EFHC2: variants seen among roughly 807,000 people sequenced by gnomAD.
EFHC2 encodes the protein EF-hand domain containing 2, also known as EF-hand domain-containing family member C2.
EFHC2 carries 18 observed loss-of-function variants against 52.7 expected under a neutral mutation model. The ratio of observed to expected loss-of-function variants is 0.34; its 90% CI spans 0.24 to 0.51. EFHC2 has a LOEUF of 0.51. Among genes scored for constraint, EFHC2 ranks in the 20% least tolerant of loss-of-function variants. The pLI, the probability that EFHC2 is intolerant of heterozygous loss-of-function variation, is 0.97. For missense variants in EFHC2, 513 were observed against 562.5 expected (o/e 0.91, Z 0.89); for synonymous variants, 203 against 204.1 (o/e 0.99, Z 0.04).
chrX:44,226,136 T>A (rs1179514106), intron 11 of EFHC2, among the ~76,000 whole-genome samples: 1 of 111,530 alleles, frequency 9.0e-6, no homozygotes, highest in African/African-American at 3.3e-5. Flanking sequence ...GAGCTAAAGG[T>A]AGGCAAACTC....
In EFHC2 at chrX:44,173,204, C is replaced by T. The variant is rs5953263; in HGVS notation, c.2042+3088G>A. ...TCTGAATTTACACAGCAGGGTTACACGGCTGCTCAGCAGCTGCCCAGCTCC... is the reference window on the plus strand; with the variant it reads ...TCTGAATTTACACAGCAGGGTTACATGGCTGCTCAGCAGCTGCCCAGCTCC... On this transcript the variant is annotated intron_variant, in intron 13 of 14. Transcript: ENST00000420999. Among the ~76,000 whole-genome samples the T allele has an allele frequency of 9.6e-3, 1,079 of 112,126 alleles. 13 individuals are homozygous for T. The highest frequency in any genetic ancestry group is 0.031 in the African/African-American group (961 of 30,848).
At chrX:44,213,651 T>A (rs2037119770) in intron 11 of EFHC2, among the ~76,000 whole-genome samples, 1 of 112,255 alleles carries the variant, frequency 8.9e-6, no homozygotes, top group Non-Finnish European at 1.9e-5. Context: ...TGGGTTACAA[T>A]GATAGGGTAT....
chrX:44,213,563 T>A (rs1278885180), intron 11 of EFHC2, among the ~76,000 whole-genome samples: 1 of 112,132 alleles, frequency 8.9e-6, no homozygotes, highest in Non-Finnish European at 1.9e-5. Context: ...TAGGTAGATT[T>A]TAAAATTTTC....
chrX:44,251,623 A>AAAAAAAAAAAAAAAAAAAAAAAAAAAT (rs2037449811), intron 4 of EFHC2, among the ~76,000 whole-genome samples: 1 of 74,892 alleles, frequency 1.3e-5, no homozygotes, highest in Non-Finnish European at 2.5e-5. Context: ...AAAAAAAAAA[A>AAAAAAAAAAAAAAAAAAAAAAAAAAAT]AAAAAAAAAA....
chrX:44,336,243 C>T (rs1352113498), intron 1 of EFHC2, among the ~76,000 whole-genome samples: 2 of 109,581 alleles, frequency 1.8e-5, no homozygotes, highest in Non-Finnish European at 3.8e-5. Context: ...AAAAATTAGC[C>T]GGGCGTGGTG....
intron 2 of EFHC2, among the ~76,000 whole-genome samples, chrX:44,276,838 T>C (rs2037661535): frequency 8.9e-6 from 1 of 112,388 alleles, no homozygotes; most frequent in Non-Finnish European, 1.9e-5. Context: ...ACCATGCAAC[T>C]GTAAGGCAAA....
chrX:44,327,771 AAACT>A (rs1365148447), intron 1 of EFHC2, among the ~76,000 whole-genome samples: 4 of 111,549 alleles, frequency 3.6e-5, no homozygotes, highest in East Asian at 2.8e-4. Flanking sequence ...AATCACTCAA[AAACT>A]AACCCCAAAT....
At chrX:44,197,393 G>A (rs2036973592) in intron 11 of EFHC2, among the ~76,000 whole-genome samples, 1 of 111,975 alleles carries the variant, frequency 8.9e-6, no homozygotes. Flanking sequence ...AATAAAATGA[G>A]TTCAAAGAGG....
At chrX:44,172,521 T>C in intron 13 of EFHC2, among the ~76,000 whole-genome samples, 1 of 112,411 alleles carries the variant, frequency 8.9e-6, no homozygotes. Flanking sequence ...CATGTTTTTC[T>C]ACCCCATGTC....
chrX:44,292,826 C>T (rs1402618811), intron 2 of EFHC2, among the ~76,000 whole-genome samples: 2 of 110,338 alleles, frequency 1.8e-5, no homozygotes, highest in African/African-American at 6.6e-5. Context: ...AAGTGCCTCA[C>T]TCCCCCTTTG....
intron 11 of EFHC2, among the ~76,000 whole-genome samples, chrX:44,223,247 G>A (rs1327353364): frequency 8.9e-6 from 1 of 112,547 alleles, no homozygotes; most frequent in Non-Finnish European, 1.9e-5. Flanking sequence ...CACGTTTGGT[G>A]TCAAAGGAGC....
chrX:44,334,295 A>G (rs189711889), intron 1 of EFHC2, among the ~76,000 whole-genome samples: 37 of 112,157 alleles, frequency 3.3e-4, no homozygotes, highest in African/African-American at 1.1e-3. Flanking sequence ...TATGGATGGC[A>G]GCTTCAATAA....
chrX:44,295,297 G>A (rs947734775), intron 2 of EFHC2, among the ~76,000 whole-genome samples: 11 of 112,149 alleles, frequency 9.8e-5, no homozygotes, highest in African/African-American at 2.9e-4. Context: ...GGTAACATCT[G>A]AAATGGGTCT....
chrX:44,158,008 C>T (rs1243525089), intron 14 of EFHC2, among the ~76,000 whole-genome samples: 6 of 111,014 alleles, frequency 5.4e-5, no homozygotes, highest in Non-Finnish European at 1.1e-4. Context: ...CTAGAACTCC[C>T]TTCCAATCTC....
intron 2 of EFHC2, among the ~76,000 whole-genome samples, chrX:44,294,146 A>G (rs2037811179): frequency 9.1e-6 from 1 of 110,162 alleles, no homozygotes; most frequent in African/African-American, 3.3e-5. Flanking sequence ...TGTGTTGTGC[A>G]CTTGTGTTTT....
intron 11 of EFHC2, among the ~76,000 whole-genome samples, chrX:44,226,404 A>C (rs1036669175): frequency 4.5e-5 from 5 of 111,013 alleles, no homozygotes; most frequent in African/African-American, 1.6e-4. Context: ...GAGAGGGGAG[A>C]GGGGAGACAC....
chrX:44,340,021 C>T (rs7879357), intron 1 of EFHC2, among the ~76,000 whole-genome samples: 10,745 of 111,000 alleles, frequency 0.097, 754 homozygotes, highest in African/African-American at 0.25. Flanking sequence ...CTAGTACACA[C>T]GCACATACAC....
intron 11 of EFHC2, among the ~76,000 whole-genome samples, chrX:44,209,211 A>C (rs1419849949): frequency 9.0e-6 from 1 of 111,387 alleles, no homozygotes; most frequent in Admixed American, 9.6e-5. Flanking sequence ...ATAATTTCTT[A>C]AACAGAATGC....
At chrX:44,152,786 A>T (rs1223785153) in intron 14 of EFHC2, among the ~76,000 whole-genome samples, 3 of 111,295 alleles carry the variant, frequency 2.7e-5, no homozygotes, top group African/African-American at 9.8e-5. Flanking sequence ...ATGAAGGCTA[A>T]GATCAATAGT....
Sources: gnomAD v4.1 joint callset for allele counts (sites outside exome capture counted in the v4.1 genomes callset) on GRCh38, gnomAD v4.1.1 for gene constraint, MANE v1.5 for transcripts, NCBI Gene and HGNC (gene_info 2026-07-23, HGNC 2026-07-21) for gene names.